ATM: variants seen among roughly 807,000 people sequenced by gnomAD.
ATM encodes the protein serine-protein kinase ATM.
ATM carries 308 observed loss-of-function variants against 387.0 expected under a neutral mutation model. The observed-to-expected ratio is 0.80, with a 90% confidence interval of 0.73 to 0.87. The LOEUF is 0.87. Among genes scored for constraint, ATM ranks in the 40% least tolerant of loss-of-function variants. The probability of loss-of-function intolerance (pLI) is 0.00; values close to 1 mark genes in which losing one functional copy is unlikely to be tolerated. For missense variants in ATM, 3,312 were observed against 3,560.9 expected (o/e 0.93, Z 1.78); for synonymous variants, 1,156 against 1,187.3 (o/e 0.97, Z 0.54).
intron 61 of ATM, among the ~76,000 whole-genome samples, chr11:108,357,258 A>T (rs61544913): frequency 0.048 from 7,319 of 152,230 alleles, 590 homozygotes; most frequent in African/African-American, 0.17. Flanking sequence ...ACGGCGCACC[A>T]CGAGATTATA....
chr11:108,232,683 G>A (rs1340163910), intron 4 of ATM, among the ~76,000 whole-genome samples: 1 of 151,528 alleles, frequency 6.6e-6, no homozygotes, highest in Non-Finnish European at 1.5e-5. Flanking sequence ...GGGACTATAG[G>A]CACACGCCGC....
chr11:108,295,151 CTTAGTTCAGACTCTCATCAT>C (rs1429286725), intron 32 of ATM, 92 bp downstream of exon 32: 8 of 1,512,808 alleles, frequency 5.3e-6, no homozygotes, highest in Non-Finnish European at 7.3e-6. Context: ...TTGTCACAGA[CTTAGTTCAGACTCTCATCAT>C]TTAGTTCAGA....
rs3092834 is a variant in ATM, at chr11:108,365,744, C to T, written c.*236C>T. ...TAATGGTCATTCGGGCTGGGCGCAG[C>T]GGCTCACGCCTGTAATCCCAGCACT... On this transcript the variant is annotated 3_prime_UTR_variant, in exon 63 of 63. Transcript: ENST00000675843. 2.8e-3 allele frequency: 1,523 copies of T among 552,478 alleles called. 9 individuals are homozygous for T. Among genetic ancestry groups the T allele is most frequent in the African/African-American group, 0.017 (903 of 52,824 alleles). 34.2% of individuals were successfully genotyped at this position (552,478 alleles called of 1,614,324 possible).
In ATM at chr11:108,244,765, T is replaced by G; in HGVS notation, c.663-23T>G. On this transcript the variant is annotated intron_variant, in intron 6 of 62. Transcript: ENST00000675843. ...GTTTGTTCCCCCTGTTATACCCAGT[T>G]GAGCTTGTTTGTTTCTTCACAGACA... 15 of 1,574,176 alleles carry G rather than the reference T, an allele frequency of 9.5e-6. No individual in the cohort carries two copies. Among genetic ancestry groups the G allele is most frequent in the Non-Finnish European group, 1.3e-5 (15 of 1,144,092 alleles).
At chr11:108,251,769 TC>T in intron 10 of ATM, 67 bp from the exon 11 acceptor site, 1 of 1,473,816 alleles carries the variant, frequency 6.8e-7, no homozygotes, top group South Asian at 1.1e-5. Context: ...CCAGGCACTG[TC>T]CTGATAGATA....
intron 37 of ATM, among the ~76,000 whole-genome samples, chr11:108,306,206 A>G (rs1270178904): frequency 2.0e-5 from 3 of 152,224 alleles, no homozygotes; most frequent in Non-Finnish European, 4.4e-5. Flanking sequence ...TTGGAAAAAT[A>G]TAAATTATAA....
chr11:108,303,759 T>C (rs954431996), intron 36 of ATM, among the ~76,000 whole-genome samples: 1 of 152,184 alleles, frequency 6.6e-6, no homozygotes, highest in Non-Finnish European at 1.5e-5. Flanking sequence ...ACCGCACTCA[T>C]ACCAATTCAG....
intron 18 of ATM, 56 bp from the exon 19 acceptor site, chr11:108,271,006 CTT>C: frequency 6.8e-7 from 1 of 1,461,352 alleles, no homozygotes. Flanking sequence ...TGTTTATATA[CTT>C]TTTAAAGTAA....
In ATM at chr11:108,271,478, A is replaced by T. The variant is rs138965098; in HGVS notation, c.3077+72A>T. On this transcript the variant is annotated intron_variant, in intron 20 of 62. Coordinates refer to ENST00000675843, the MANE Select transcript of ATM (RefSeq NM_000051.4). The stretch of plus-strand genomic sequence containing the variant: ...GGATACGAATGCAAGTTTTGTATCC[A>T]CATCAGTGATTTCTTCTGATCTTCC... The T allele has an allele frequency of 2.7e-4, 417 of 1,542,994 alleles. 10 individuals are homozygous for T. The East Asian group carries it at 5.1e-3, about 19-fold the overall frequency.
At chr11:108,253,600 G>A (rs2080272562) in intron 12 of ATM, among the ~76,000 whole-genome samples, 2 of 151,950 alleles carry the variant, frequency 1.3e-5, no homozygotes, top group African/African-American at 4.8e-5. Context: ...CTATCTATTA[G>A]TAAAATTTGC....
Position 108,250,681 on chromosome 11 carries a change from T to TC in ATM, c.1236-18dup. ...ATGTGATGGAATAGTTTTCAAATTATCCTTTTTTTTTTTTTTTAGGCTACA... is the reference window on the plus strand; with the variant it reads ...ATGTGATGGAATAGTTTTCAAATTATCCCTTTTTTTTTTTTTTTAGGCTACA... On this transcript the variant is annotated intron_variant, in intron 9 of 62. Transcript: ENST00000675843. 1 of 1,533,044 alleles carries TC rather than the reference T, an allele frequency of 6.5e-7. No individual in the cohort carries two copies. Among genetic ancestry groups the TC allele is most frequent in the Admixed American group, 1.8e-5 (1 of 54,314 alleles). 95.0% of individuals were successfully genotyped at this position (1,533,044 alleles called of 1,614,324 possible).
intron 25 of ATM, among the ~76,000 whole-genome samples, chr11:108,283,354 T>C (rs1368525159): frequency 6.6e-6 from 1 of 152,224 alleles, no homozygotes; most frequent in Admixed American, 6.5e-5. Flanking sequence ...TTTATTTTGC[T>C]AACTTTAACT....
chr11:108,305,827 A>C (rs2083664167), intron 37 of ATM, among the ~76,000 whole-genome samples: 1 of 152,186 alleles, frequency 6.6e-6, no homozygotes, highest in Admixed American at 6.5e-5. Flanking sequence ...TTTTAAACCT[A>C]AATTTTATAA....
chr11:108,363,276 T>C (rs1009478647), intron 61 of ATM, among the ~76,000 whole-genome samples: 6 of 152,178 alleles, frequency 3.9e-5, no homozygotes, highest in South Asian at 2.1e-4. Context: ...AGTCACTATT[T>C]CTGAACTGAT....
intron 18 of ATM, among the ~76,000 whole-genome samples, chr11:108,269,926 G>A (rs2081481892): frequency 6.6e-6 from 1 of 152,216 alleles, no homozygotes; most frequent in South Asian, 2.1e-4. Context: ...GAAGTTACAT[G>A]CTTTTCTTGA....
chr11:108,321,504 C>G (rs552841703), intron 45 of ATM, 84 bp downstream of exon 45: 211 of 1,585,836 alleles, frequency 1.3e-4, no homozygotes, highest in Middle Eastern at 3.4e-4. Context: ...AACTATAGGC[C>G]GGGCACGGTG....
intron 55 of ATM, 107 bp from the exon 56 acceptor site, chr11:108,335,738 C>A: frequency 1.3e-6 from 1 of 787,426 alleles, no homozygotes; most frequent in Non-Finnish European, 2.2e-6. Flanking sequence ...TCAAGAGGTG[C>A]ACAGATGCTC....
At chr11:108,241,163 TCCC>T (rs1368835736) in intron 5 of ATM, among the ~76,000 whole-genome samples, 1 of 152,180 alleles carries the variant, frequency 6.6e-6, no homozygotes, top group Non-Finnish European at 1.5e-5. Context: ...CTGCATCTTG[TCCC>T]CCTGGGAGAT....
At chr11:108,343,652 C>T (rs1268532136) in intron 57 of ATM, among the ~76,000 whole-genome samples, 1 of 152,014 alleles carries the variant, frequency 6.6e-6, no homozygotes, top group African/African-American at 2.4e-5. Flanking sequence ...TCTTAGCAAA[C>T]AAAACACTAA....
Sources: gnomAD v4.1 joint callset for allele counts (sites outside exome capture counted in the v4.1 genomes callset) on GRCh38, gnomAD v4.1.1 for gene constraint, MANE v1.5 for transcripts, NCBI Gene and HGNC (gene_info 2026-07-23, HGNC 2026-07-21) for gene names.